Variants in NALF1 observed in about 807,000 individuals in gnomAD.
NALF1 encodes family with sequence similarity 155 member A.
A neutral mutation model predicts 48.4 loss-of-function variants in NALF1; 3 were observed. The ratio of observed to expected loss-of-function variants is 0.06; its 90% CI spans 0.03 to 0.16. NALF1 has a LOEUF of 0.16. Among genes scored for constraint, NALF1 ranks in the 10% least tolerant of loss-of-function variants. The pLI is 1.00. For synonymous variants in NALF1, 262 were observed against 245.7 expected (o/e 1.07, Z -0.62); for missense variants, 526 against 571.5 (o/e 0.92, Z 0.81).
intron 1 of NALF1, among the ~76,000 whole-genome samples, chr13:107,421,413 T>C (rs1884184524): frequency 6.6e-6 from 1 of 152,194 alleles, no homozygotes; most frequent in Non-Finnish European, 1.5e-5. Context: ...AAATAAAATA[T>C]CTATTTGTTA....
At chr13:107,395,507 TG>T (rs1883697241) in intron 1 of NALF1, among the ~76,000 whole-genome samples, 1 of 152,090 alleles carries the variant, frequency 6.6e-6, no homozygotes, top group Non-Finnish European at 1.5e-5. Context: ...ACTACACAGC[TG>T]GGTCGTCGAG....
intron 1 of NALF1, among the ~76,000 whole-genome samples, chr13:107,719,463 C>T (rs1020915702): frequency 7.9e-5 from 12 of 152,088 alleles, no homozygotes; most frequent in African/African-American, 2.7e-4. Flanking sequence ...CTGACACAAT[C>T]GTGCTTCCCC....
intron 1 of NALF1, among the ~76,000 whole-genome samples, chr13:107,760,726 G>T (rs1459040927): frequency 2.0e-5 from 3 of 152,138 alleles, no homozygotes; most frequent in African/African-American, 7.2e-5. Context: ...CATAATTCTA[G>T]CAAGGTGTTA....
chr13:107,814,432 G>T (rs1373515977), intron 1 of NALF1, among the ~76,000 whole-genome samples: 1 of 152,114 alleles, frequency 6.6e-6, no homozygotes, highest in Admixed American at 6.6e-5. Context: ...GTATCTGCAG[G>T]AGACACTTCA....
At chr13:107,770,209 G>A (rs1877541263) in intron 1 of NALF1, among the ~76,000 whole-genome samples, 1 of 152,108 alleles carries the variant, frequency 6.6e-6, no homozygotes, top group African/African-American at 2.4e-5. Context: ...CACCGCGCCG[G>A]GCCCACTTTT....
chr13:107,537,067 C>G (rs1046230537), intron 1 of NALF1, among the ~76,000 whole-genome samples: 9 of 152,050 alleles, frequency 5.9e-5, no homozygotes, highest in African/African-American at 2.2e-4. Flanking sequence ...ACATCACACA[C>G]CAGGGCCAGT....
chr13:107,216,206 T>C (rs376558946), intron 1 of NALF1, among the ~76,000 whole-genome samples: 7 of 152,310 alleles, frequency 4.6e-5, no homozygotes, highest in Admixed American at 1.3e-4. Flanking sequence ...AAATAATTGG[T>C]TATGTAAGCA....
At chr13:107,734,482 A>G (rs1411496816) in intron 1 of NALF1, among the ~76,000 whole-genome samples, 1 of 152,000 alleles carries the variant, frequency 6.6e-6, no homozygotes, top group African/African-American at 2.4e-5. Flanking sequence ...ATGAAAATAT[A>G]TTTACTTTCC....
intron 1 of NALF1, among the ~76,000 whole-genome samples, chr13:107,283,341 T>G (rs1401184347): frequency 1.3e-5 from 2 of 152,104 alleles, no homozygotes; most frequent in East Asian, 3.9e-4. Flanking sequence ...AGCTCCAGAC[T>G]CCTGTCTCTC....
chr13:107,698,035 G>A (rs1881736694), intron 1 of NALF1, among the ~76,000 whole-genome samples: 1 of 152,000 alleles, frequency 6.6e-6, no homozygotes, highest in Non-Finnish European at 1.5e-5. Context: ...CATACACACT[G>A]CTCTATATTT....
chr13:107,589,260 T>A (rs1359426966), intron 1 of NALF1, among the ~76,000 whole-genome samples: 1 of 152,056 alleles, frequency 6.6e-6, no homozygotes, highest in African/African-American at 2.4e-5. Flanking sequence ...TAAATCTGAA[T>A]GTACTACTTT....
intron 1 of NALF1, among the ~76,000 whole-genome samples, chr13:107,657,452 TTC>T (rs1339152603): frequency 1.4e-4 from 21 of 152,164 alleles, no homozygotes. Flanking sequence ...GTGTGTGTCT[TTC>T]TGTGTGTGTG....
At chr13:107,318,425 C>T (rs771161972) in intron 1 of NALF1, among the ~76,000 whole-genome samples, 1 of 152,024 alleles carries the variant, frequency 6.6e-6, no homozygotes, top group Non-Finnish European at 1.5e-5. Context: ...ATTCATTCTG[C>T]GGTGAGCCAT....
chr13:107,308,464 A>G (rs1438258184), intron 1 of NALF1, among the ~76,000 whole-genome samples: 1 of 152,054 alleles, frequency 6.6e-6, no homozygotes, highest in Non-Finnish European at 1.5e-5. Flanking sequence ...GGCCTCCCAA[A>G]GTGCTGGGAT....
rs575920345 is a variant in NALF1 at position 107,682,468 on chromosome 13, G to A, written c.915+183214C>T. ...CTGTTCCTGCTGCCAGCATTGTGCTGTTCCCAACACACTGCCTATCTGTCT... is the reference window on the plus strand; with the variant it reads ...CTGTTCCTGCTGCCAGCATTGTGCTATTCCCAACACACTGCCTATCTGTCT... On this transcript the variant is annotated intron_variant, in intron 1 of 2. Transcript: ENST00000375915. 7.2e-5 allele frequency among the ~76,000 whole-genome samples: 11 copies of A among 152,156 alleles called. No homozygotes were observed. In the East Asian group the frequency reaches 1.9e-3, roughly 27 times the overall value.
chr13:107,654,115 A>G (rs1389829901), intron 1 of NALF1, among the ~76,000 whole-genome samples: 2 of 152,118 alleles, frequency 1.3e-5, no homozygotes, highest in Non-Finnish European at 2.9e-5. Context: ...TTAGAAAGAT[A>G]AATAAAATTG....
intron 1 of NALF1, among the ~76,000 whole-genome samples, chr13:107,416,641 T>A (rs1467772522): frequency 2.6e-5 from 4 of 152,216 alleles, no homozygotes; most frequent in Non-Finnish European, 5.9e-5. Context: ...GGACTGTTTA[T>A]GTTATCAGTA....
intron 1 of NALF1, among the ~76,000 whole-genome samples, chr13:107,698,241 T>C (rs1408532849): frequency 6.6e-6 from 1 of 152,188 alleles, no homozygotes; most frequent in Non-Finnish European, 1.5e-5. Flanking sequence ...TCAATATCTT[T>C]GGGCATATGT....
At chr13:107,717,844 T>C (rs772162851) in intron 1 of NALF1, among the ~76,000 whole-genome samples, 30 of 152,282 alleles carry the variant, frequency 2.0e-4, no homozygotes, top group Non-Finnish European at 4.0e-4. Context: ...ACAGAGATGA[T>C]TGGGATATAA....
Sources: allele counts gnomAD v4.1 joint callset (sites outside exome capture counted in the v4.1 genomes callset), GRCh38; gene constraint gnomAD v4.1.1; transcripts MANE v1.5; gene names NCBI Gene and HGNC (gene_info 2026-07-23, HGNC 2026-07-21).